Variants in RAPGEF5 observed in about 807,000 individuals in gnomAD.
RAPGEF5 encodes Rap guanine nucleotide exchange factor 5.
RAPGEF5 carries 65 observed loss-of-function variants against 125.2 expected under a neutral mutation model. The observed-to-expected ratio is 0.52, with a 90% CI of 0.43 to 0.64. RAPGEF5 has a LOEUF of 0.64. RAPGEF5 is among the 30% of genes least tolerant of loss of function. The pLI is 0.00. For synonymous variants in RAPGEF5, 391 were observed against 385.9 expected (o/e 1.01, Z -0.16); for missense variants, 958 against 1,048.1 (o/e 0.91, Z 1.19).
intron 7 of RAPGEF5, among the ~76,000 whole-genome samples, chr7:22,251,339 T>C (rs1786614438): frequency 6.6e-6 from 1 of 152,102 alleles, no homozygotes; most frequent in African/African-American, 2.4e-5. Flanking sequence ...TACACAGAAT[T>C]TGTCAGATAC....
chr7:22,193,907 A>C lies in RAPGEF5; in HGVS notation c.1115+8T>G, dbSNP rs75562553. The C allele has an allele frequency of 6.2e-7, 1 of 1,611,186 alleles. No individual in the cohort carries two copies. Among genetic ancestry groups the C allele is most frequent in the South Asian group, 1.1e-5 (1 of 90,850 alleles). On this transcript the variant is annotated splice_region_variant and intron_variant, in intron 10 of 25. Coordinates refer to ENST00000665637, the MANE Select transcript of RAPGEF5 (RefSeq NM_012294.5). Reference sequence around the variant, plus strand: ...CGCGTGCCTCTGTGGCTGCAGGGAAACTCTCACCTCCAATGGCTCTCCGCA... The same window carrying C: ...CGCGTGCCTCTGTGGCTGCAGGGAACCTCTCACCTCCAATGGCTCTCCGCA...
intron 16 of RAPGEF5, 108 bp downstream of exon 16, chr7:22,156,702 G>C (rs1783819365): frequency 5.2e-6 from 8 of 1,549,652 alleles, no homozygotes; most frequent in Non-Finnish European, 7.0e-6. Context: ...GCTTATCTGA[G>C]GGGTGACAGC....
chr7:22,162,418 T>C lies in RAPGEF5; in HGVS notation c.1407A>G (p.Glu469=), dbSNP rs755858689. The C allele has an allele frequency of 1.3e-6, 2 of 1,591,614 alleles. No homozygotes were observed. The highest frequency in any genetic ancestry group is 1.7e-5 in the Admixed American group (1 of 59,556). The change falls in exon 13 of 26, where the codon GAA becomes GAG. Residue 469 remains glutamate (E), a synonymous_variant. Coordinates refer to ENST00000665637, the MANE Select transcript of RAPGEF5 (RefSeq NM_012294.5). ...TTACCTTTAAAAACATTTTTGAATG[T>C]TCATCTTCAGGTAACCAGTCTTTGT... ...ALYKDWLPED[E]HSKMFLKTIY...
chr7:22,237,326 A>G (rs1397063449), intron 7 of RAPGEF5, among the ~76,000 whole-genome samples: 1 of 150,812 alleles, frequency 6.6e-6, no homozygotes, highest in Middle Eastern at 3.5e-3. Flanking sequence ...AACTGACCCA[A>G]TAGTCCCATA....
intron 9 of RAPGEF5, among the ~76,000 whole-genome samples, chr7:22,210,797 AT>A (rs537513192): frequency 2.1e-4 from 31 of 151,146 alleles, no homozygotes; most frequent in South Asian, 4.2e-4. Flanking sequence ...TTATTTCTCC[AT>A]TTTTTTTTAA....
At chr7:22,343,066 C>A (rs556803247) in intron 1 of RAPGEF5, among the ~76,000 whole-genome samples, 2 of 152,256 alleles carry the variant, frequency 1.3e-5, no homozygotes, top group African/African-American at 4.8e-5. Flanking sequence ...GGGCAATTTA[C>A]AAAAGAAAGA....
chr7:22,203,179 G>A (rs901999094), intron 9 of RAPGEF5, among the ~76,000 whole-genome samples: 9 of 152,194 alleles, frequency 5.9e-5, no homozygotes, highest in Admixed American at 2.0e-4. Context: ...CAGAGCTCAC[G>A]GAACCTGCAG....
intron 9 of RAPGEF5, among the ~76,000 whole-genome samples, chr7:22,214,549 T>C (rs1219080392): frequency 6.6e-6 from 1 of 152,236 alleles, no homozygotes; most frequent in Admixed American, 6.5e-5. Context: ...GCTATATTCC[T>C]GGAAATAGGA....
intron 13 of RAPGEF5, among the ~76,000 whole-genome samples, chr7:22,161,455 C>G (rs1043160538): frequency 6.6e-6 from 1 of 151,642 alleles, no homozygotes; most frequent in Non-Finnish European, 1.5e-5. Context: ...AAGGATCTCT[C>G]AAGCTCAAGA....
chr7:22,150,501 TTTTC>T lies in RAPGEF5; in HGVS notation c.1787-1_1789del, dbSNP rs1272290563. 2.6e-6 allele frequency: 4 copies of T among 1,549,108 alleles called. No homozygotes were observed. The highest frequency in any genetic ancestry group is 3.2e-5 in the African/African-American group (2 of 61,960). ...TAAGTCATTTGGCTGAAGTTCATGC[TTTTC>T]TTTATTTGAAAAAAAAAAAAAAAAA... On this transcript the variant is annotated splice_acceptor_variant and coding_sequence_variant, in exon 18 of 26. Coordinates refer to ENST00000665637, the MANE Select transcript of RAPGEF5 (RefSeq NM_012294.5). LOFTEE classifies it high-confidence loss of function.
chr7:22,304,193 T>C (rs1783278462), intron 5 of RAPGEF5, among the ~76,000 whole-genome samples: 1 of 152,134 alleles, frequency 6.6e-6, no homozygotes, highest in Non-Finnish European at 1.5e-5. Context: ...AAAAGGTATA[T>C]ACTGTCTCTC....
At chr7:22,216,874 G>A (rs1185126953) in intron 9 of RAPGEF5, among the ~76,000 whole-genome samples, 1 of 152,218 alleles carries the variant, frequency 6.6e-6, no homozygotes, top group East Asian at 1.9e-4. Flanking sequence ...CTAATGGCAT[G>A]CATTTATAAT....
At chr7:22,268,219 A>G (rs1283033112) in intron 6 of RAPGEF5, among the ~76,000 whole-genome samples, 1 of 152,194 alleles carries the variant, frequency 6.6e-6, no homozygotes, top group African/African-American at 2.4e-5. Flanking sequence ...GGCAGTGAGA[A>G]GACAATCTTT....
In RAPGEF5 at chr7:22,157,966, C is replaced by T. The variant is rs1375049129; in HGVS notation, c.1527-81G>A. ...TTATTGTTACGGAAGACTAATTTTCCAGCACTAGGCAGAGGATTTTGCTCT... is the reference window on the plus strand; with the variant it reads ...TTATTGTTACGGAAGACTAATTTTCTAGCACTAGGCAGAGGATTTTGCTCT... On this transcript the variant is annotated intron_variant, in intron 14 of 25. Transcript: ENST00000665637. 11 of 1,295,156 alleles carry T rather than the reference C, an allele frequency of 8.5e-6. No individual in the cohort carries two copies. The East Asian group carries it at 2.5e-4, about 30-fold the overall frequency. 80.2% of individuals were successfully genotyped at this position (1,295,156 alleles called of 1,614,324 possible). A position where few individuals can be genotyped will look rare whatever the true frequency, so the allele number is the denominator to read the frequency against.
chr7:22,305,302 CT>C (rs1237366125), intron 5 of RAPGEF5, among the ~76,000 whole-genome samples: 1 of 152,188 alleles, frequency 6.6e-6, no homozygotes, highest in Admixed American at 6.5e-5. Context: ...CACAATCAAC[CT>C]TTCTATTAGC....
intron 12 of RAPGEF5, among the ~76,000 whole-genome samples, chr7:22,163,986 A>T (rs2128113274): frequency 6.6e-6 from 1 of 152,336 alleles, no homozygotes; most frequent in East Asian, 1.9e-4. Context: ...GCAAACACAA[A>T]AAAAATCTGT....
At chr7:22,257,389 C>T (rs1031097201) in intron 7 of RAPGEF5, among the ~76,000 whole-genome samples, 10 of 152,144 alleles carry the variant, frequency 6.6e-5, no homozygotes, top group Non-Finnish European at 1.2e-4. Flanking sequence ...CCTAAAATCA[C>T]AATAAGAAGT....
chr7:22,249,306 C>T (rs982829974), intron 7 of RAPGEF5, among the ~76,000 whole-genome samples: 2 of 152,168 alleles, frequency 1.3e-5, no homozygotes, highest in Non-Finnish European at 2.9e-5. Context: ...AATTCTCCCA[C>T]CTCAGCCTCC....
At chr7:22,161,885 A>C (rs115257831) in intron 13 of RAPGEF5, among the ~76,000 whole-genome samples, 2,138 of 152,306 alleles carry the variant, frequency 0.014, 49 homozygotes, top group African/African-American at 0.05. Context: ...TCATCTCTCC[A>C]GATAATCATC....
Sources: gnomAD v4.1 joint callset for allele counts (sites outside exome capture counted in the v4.1 genomes callset) on GRCh38, gnomAD v4.1.1 for gene constraint, MANE v1.5 for transcripts, NCBI Gene and HGNC (gene_info 2026-07-23, HGNC 2026-07-21) for gene names.